The following SCN9A variants were observed in gnomAD, a reference collection of about 807,000 sequenced individuals.
SCN9A encodes sodium channel protein type 9 subunit alpha.
Under a neutral mutation model 187.0 loss-of-function variants are expected in SCN9A, and 131 were observed. The observed-to-expected ratio is 0.70, with a 90% CI of 0.61 to 0.81. The LOEUF (loss-of-function observed/expected upper bound fraction) is 0.81, where lower values mean the gene tolerates loss of function less well. SCN9A is among the 30% of genes least tolerant of loss of function. SCN9A has a pLI of 0.00. For synonymous variants in SCN9A, 809 were observed against 808.6 expected (o/e 1.00, Z -0.01); for missense variants, 2,252 against 2,396.6 (o/e 0.94, Z 1.26).
chr2:166,236,500 A>T (rs1558972055), intron 20 of SCN9A, among the ~76,000 whole-genome samples: 1 of 152,124 alleles, frequency 6.6e-6, no homozygotes, highest in Non-Finnish European at 1.5e-5. Flanking sequence ...GACTCACTGA[A>T]ACCTCTGCCT....
chr2:166,226,182 C>T (rs1392743403), intron 24 of SCN9A, among the ~76,000 whole-genome samples: 1 of 152,044 alleles, frequency 6.6e-6, no homozygotes, highest in South Asian at 2.1e-4. Context: ...CCCCAAGCTC[C>T]AACCCAATAT....
Position 166,288,563 on chromosome 2 carries a change from C to T in SCN9A, c.1188G>A (p.Leu396=). The change falls in exon 10 of 27, where the codon TTG becomes TTA. Residue 396 remains leucine, a synonymous_variant. Coordinates refer to ENST00000642356, the MANE Select transcript of SCN9A (RefSeq NM_001365536.1). The part of the protein sequence containing the change: ...IFLGSFYLIN[L]ILAVVAMAYE... ...ATGCCATGGCAACCACAGCCAGGATCAAGTTTATTAGATAAAAGGAGCCCA... is the reference window on the plus strand; with the variant it reads ...ATGCCATGGCAACCACAGCCAGGATTAAGTTTATTAGATAAAAGGAGCCCA... 1 of 1,612,652 alleles carries T rather than the reference C, an allele frequency of 6.2e-7. No individual in the cohort carries two copies. Among genetic ancestry groups the T allele is most frequent in the Non-Finnish European group, 8.5e-7 (1 of 1,179,050 alleles).
chr2:166,347,610 T>C (rs7580299), intron 1 of SCN9A, among the ~76,000 whole-genome samples: 8,738 of 152,272 alleles, frequency 0.057, 741 homozygotes, highest in African/African-American at 0.19. Flanking sequence ...AAATGCTTTG[T>C]AATTAACTAA....
At chr2:166,298,911 T>C (rs1397750349) in intron 7 of SCN9A, 1 of 152,216 alleles carries the variant, frequency 6.6e-6, no homozygotes, top group African/African-American at 2.4e-5. Context: ...TATGACCATA[T>C]ATATAATGCA....
chr2:166,348,496 T>G (rs1699956864), intron 1 of SCN9A, among the ~76,000 whole-genome samples: 1 of 152,198 alleles, frequency 6.6e-6, no homozygotes, highest in African/African-American at 2.4e-5. Flanking sequence ...TTTCTCTTTA[T>G]CTTTTATCTG....
intron 7 of SCN9A, among the ~76,000 whole-genome samples, chr2:166,299,774 A>G (rs1167570281): frequency 1.3e-5 from 2 of 150,734 alleles, no homozygotes; most frequent in East Asian, 3.9e-4. Flanking sequence ...TAAATCTCCA[A>G]TTCTCTATAT....
At chr2:166,273,303 CT>C (rs1460226409) in intron 16 of SCN9A, among the ~76,000 whole-genome samples, 2 of 152,156 alleles carry the variant, frequency 1.3e-5, no homozygotes, top group Non-Finnish European at 2.9e-5. Context: ...ACAATTGTGA[CT>C]ATTTTCTATT....
At chr2:166,297,914 T>A (rs1698387418) in intron 7 of SCN9A, among the ~76,000 whole-genome samples, 1 of 151,926 alleles carries the variant, frequency 6.6e-6, no homozygotes, top group African/African-American at 2.4e-5. Flanking sequence ...TGATATTAAA[T>A]CTAATGAAGA....
Position 166,229,609 on chromosome 2 carries a change from A to G in SCN9A, c.3925-637T>C, listed in dbSNP as rs577011415. ...AAATCCTTTAGATTTGGCTGGTTCT[A>G]CGAAATAAGAGCAATCGTTTTAAAT... On this transcript the variant is annotated intron_variant, in intron 21 of 26. Coordinates refer to ENST00000642356, the MANE Select transcript of SCN9A (RefSeq NM_001365536.1). Among the ~76,000 whole-genome samples the G allele has an allele frequency of 4.9e-4, 74 of 152,316 alleles. 1 individual carries two copies. Among genetic ancestry groups the G allele is most frequent in the African/African-American group, 1.8e-3 (73 of 41,574 alleles).
At chr2:166,295,411 T>G (rs186040394) in intron 7 of SCN9A, among the ~76,000 whole-genome samples, 17 of 152,318 alleles carry the variant, frequency 1.1e-4, no homozygotes, top group Non-Finnish European at 2.4e-4. Flanking sequence ...CATCCTAGGG[T>G]GCACTTATAC....
At chr2:166,364,802 T>C (rs914665336) in intron 1 of SCN9A, among the ~76,000 whole-genome samples, 20 of 152,152 alleles carry the variant, frequency 1.3e-4, no homozygotes, top group African/African-American at 4.1e-4. Context: ...AAACTGTACA[T>C]TTGAAATGGT....
chr2:166,373,298 CTCT>C (rs1167452395), intron 1 of SCN9A, among the ~76,000 whole-genome samples: 15 of 148,704 alleles, frequency 1.0e-4, no homozygotes, highest in African/African-American at 3.5e-4. Flanking sequence ...TCTTCTTCTC[CTCT>C]TCTTCTTCCT....
chr2:166,263,288 G>GT (rs1696594343), intron 17 of SCN9A, among the ~76,000 whole-genome samples: 1 of 151,832 alleles, frequency 6.6e-6, no homozygotes, highest in African/African-American at 2.4e-5. Context: ...CAGATGTTAC[G>GT]TTTCGTTCCT....
intron 1 of SCN9A, among the ~76,000 whole-genome samples, chr2:166,349,338 AG>A (rs1312601885): frequency 6.6e-6 from 1 of 152,218 alleles, no homozygotes; most frequent in African/African-American, 2.4e-5. Context: ...AGAAAAAGTG[AG>A]AAAGAGTTCA....
At chr2:166,271,766 G>A (rs1264682099) in intron 17 of SCN9A, among the ~76,000 whole-genome samples, 3 of 151,974 alleles carry the variant, frequency 2.0e-5, no homozygotes, top group Non-Finnish European at 2.9e-5. Context: ...GTGGAGGCAG[G>A]AGGATCACTT....
chr2:166,325,564 T>G (rs955171890), intron 1 of SCN9A, among the ~76,000 whole-genome samples: 1 of 152,136 alleles, frequency 6.6e-6, no homozygotes, highest in Non-Finnish European at 1.5e-5. Flanking sequence ...TATGAGGGAA[T>G]CTGTGTGTAT....
intron 26 of SCN9A, among the ~76,000 whole-genome samples, chr2:166,202,672 T>TAA (rs1315166680): frequency 6.6e-6 from 1 of 151,826 alleles, no homozygotes; most frequent in Non-Finnish European, 1.5e-5. Context: ...TTTTATATCC[T>TAA]AAAGTTTTCT....
In SCN9A at chr2:166,303,075, C is replaced by A. The variant is rs1006533206; in HGVS notation, c.901+15G>T. 2 of 1,533,514 alleles carry A rather than the reference C, an allele frequency of 1.3e-6. No homozygotes were observed. Among genetic ancestry groups the A allele is most frequent in the Admixed American group, 3.7e-5 (2 of 54,760 alleles). The allele number at this position is 1,533,514 out of a possible 1,614,324, so 95.0% of individuals were successfully genotyped here. ...CATTATTTCAACCTAATAACAAATGCAAGGACATTCTTACTTCTAAAGTCT... is the reference window on the plus strand; with the variant it reads ...CATTATTTCAACCTAATAACAAATGAAAGGACATTCTTACTTCTAAAGTCT... On this transcript the variant is annotated intron_variant, in intron 7 of 26. Transcript: ENST00000642356.
intron 17 of SCN9A, among the ~76,000 whole-genome samples, chr2:166,258,622 G>A (rs1696378668): frequency 6.6e-6 from 1 of 151,422 alleles, no homozygotes; most frequent in Non-Finnish European, 1.5e-5. Flanking sequence ...CTAGAAGCAG[G>A]GTACTTTGGC....
Sources: gnomAD v4.1 joint callset for allele counts (sites outside exome capture counted in the v4.1 genomes callset) on GRCh38, gnomAD v4.1.1 for gene constraint, MANE v1.5 for transcripts, NCBI Gene and HGNC (gene_info 2026-07-23, HGNC 2026-07-21) for gene names.